Variants in GPM6B observed in about 807,000 individuals in gnomAD.
The protein encoded by GPM6B is neuronal membrane glycoprotein M6-b.
GPM6B carries 4 observed loss-of-function variants against 27.2 expected under a neutral mutation model. The observed-to-expected ratio is 0.15, with a 90% CI of 0.07 to 0.34. The LOEUF (loss-of-function observed/expected upper bound fraction) is 0.34. Ranked by LOEUF, GPM6B falls within the 10% of genes least tolerant of loss-of-function variation. GPM6B has a pLI of 1.00. For missense variants in GPM6B, 183 were observed against 261.9 expected (o/e 0.70, Z 2.08); for synonymous variants, 124 against 103.1 (o/e 1.20, Z -1.23).
chrX:13,931,314 C>T (rs1279801187), intron 1 of GPM6B, among the ~76,000 whole-genome samples: 1 of 110,250 alleles, frequency 9.1e-6, no homozygotes, highest in Admixed American at 9.7e-5. Flanking sequence ...TGGTGAAACC[C>T]CATCTCTACT....
At chrX:13,816,768 A>G in intron 1 of GPM6B, 76 bp downstream of exon 1, 1 of 1,117,384 alleles carries the variant, frequency 8.9e-7, no homozygotes, top group Non-Finnish European at 1.2e-6. Flanking sequence ...TAAAAGAGAG[A>G]CAAAACCCAG....
chrX:13,860,412 C>T (rs1219649411), intron 1 of GPM6B, among the ~76,000 whole-genome samples: 1 of 105,901 alleles, frequency 9.4e-6, no homozygotes, highest in Admixed American at 1.0e-4. Flanking sequence ...CAAGGCAAAG[C>T]AGTCACTACA....
At chrX:13,876,773 C>A (rs1202751857) in intron 1 of GPM6B, among the ~76,000 whole-genome samples, 1 of 108,570 alleles carries the variant, frequency 9.2e-6, no homozygotes, top group Non-Finnish European at 1.9e-5. Context: ...CTCGGTGGAA[C>A]CCAGCCTCCA....
intron 2 of GPM6B, among the ~76,000 whole-genome samples, chrX:13,802,948 CTA>C (rs1410870803): frequency 8.9e-6 from 1 of 111,858 alleles, no homozygotes; most frequent in Non-Finnish European, 1.9e-5. Flanking sequence ...CGACACCCAA[CTA>C]TGGCCAGAGG....
rs1171503867 is a variant in GPM6B at position 13,865,542 on chromosome X, C to CAAAAAAA, written c.-198+72778_-198+72784dup. On this transcript the variant is annotated intron_variant, in intron 1 of 6. Transcript: ENST00000398361. Reference sequence around the variant, plus strand: ...ACCACACGGTAAAAATCCATCTCTTCAAAAAAAAAAAAAAAAAAAAGAAAG... The same window carrying CAAAAAAA: ...ACCACACGGTAAAAATCCATCTCTTCAAAAAAAAAAAAAAAAAAAAAAAAAAAGAAAG... Among the ~76,000 whole-genome samples, 21 of 14,628 alleles carry CAAAAAAA rather than the reference C, an allele frequency of 1.4e-3. 2 individuals carry two copies. The highest frequency in any genetic ancestry group is 2.4e-3 in the Non-Finnish European group (15 of 6,234). The allele number at this position is 14,628 out of a possible 115,157, so 12.7% of individuals were successfully genotyped here.
At chrX:13,840,151 T>C (rs1273196185) in intron 1 of GPM6B, among the ~76,000 whole-genome samples, 1 of 112,256 alleles carries the variant, frequency 8.9e-6, no homozygotes, top group Non-Finnish European at 1.9e-5. Flanking sequence ...ATGTAATACT[T>C]GGACGAAAAG....
intron 2 of GPM6B, among the ~76,000 whole-genome samples, chrX:13,804,171 G>A (rs192364741): frequency 1.8e-5 from 2 of 111,303 alleles, no homozygotes; most frequent in Admixed American, 1.9e-4. Context: ...CATTTCTAAC[G>A]AGCTCCTGGA....
intron 1 of GPM6B, among the ~76,000 whole-genome samples, chrX:13,879,320 G>T (rs780418822): frequency 7.0e-4 from 78 of 112,176 alleles, no homozygotes; most frequent in African/African-American, 2.4e-3. Flanking sequence ...AGCCACCCAG[G>T]GGTTAAAAAC....
At chrX:13,929,432 TA>T (rs34898418) in intron 1 of GPM6B, among the ~76,000 whole-genome samples, 69 of 100,835 alleles carry the variant, frequency 6.8e-4, no homozygotes, top group South Asian at 2.3e-3. Context: ...AGAAAAAGAT[TA>T]AAAAAAAAAA....
At chrX:13,799,977 G>C (rs1160673884) in intron 2 of GPM6B, among the ~76,000 whole-genome samples, 1 of 111,655 alleles carries the variant, frequency 9.0e-6, no homozygotes, top group African/African-American at 3.3e-5. Flanking sequence ...CCTGAATGTG[G>C]GCTGGACCTA....
In GPM6B at chrX:13,816,845, T is replaced by C. The variant is rs986150800; in HGVS notation, c.60A>G (p.Lys20=). The C allele has an allele frequency of 7.5e-6, 9 of 1,208,045 alleles. No individual in the cohort carries two copies. In the Admixed American group the frequency reaches 1.5e-4, roughly 21 times the overall value. ...GGCTATTGTCAGAGCGCTGGGTACC[T>C]TTTCTCTCTTGGCTTTGTTCAGTAT... ...EENTEQSQER[K]VNSRAEMEIG... is the part of the protein sequence containing the mutation. Residue 20 remains lysine (K), a splice_region_variant and synonymous_variant, in exon 1 of 8, where the codon AAA becomes AAG. Transcript: ENST00000316715.
intron 2 of GPM6B, among the ~76,000 whole-genome samples, chrX:13,786,328 T>C (rs2048612034): frequency 8.9e-6 from 1 of 112,095 alleles, no homozygotes; most frequent in African/African-American, 3.3e-5. Context: ...CCGGGGCAAC[T>C]GGGAGAATCT....
intron 2 of GPM6B, among the ~76,000 whole-genome samples, chrX:13,803,451 CT>C (rs769387222): frequency 1.8e-5 from 2 of 111,793 alleles, no homozygotes; most frequent in Non-Finnish European, 3.8e-5. Context: ...AGGGTGTGCT[CT>C]TTGTCCCGAC....
intron 1 of GPM6B, among the ~76,000 whole-genome samples, chrX:13,849,576 T>C (rs1266449844): frequency 8.9e-6 from 1 of 112,488 alleles, no homozygotes; most frequent in Non-Finnish European, 1.9e-5. Context: ...GTTAGCATAA[T>C]GTTAAGACAA....
intron 4 of GPM6B, chrX:13,780,979 T>C (rs760029107): frequency 3.2e-6 from 1 of 312,897 alleles, no homozygotes. Context: ...CGAGACACTT[T>C]CCCTTGCACT....
At chrX:13,861,805 A>T (rs1228210104) in intron 1 of GPM6B, among the ~76,000 whole-genome samples, 1 of 112,275 alleles carries the variant, frequency 8.9e-6, no homozygotes, top group African/African-American at 3.2e-5. Context: ...AAGGGTATAT[A>T]GTGAAAAGTA....
At position 13,772,178 on chromosome X, in the gene GPM6B, A is replaced by C. The variant is rs1301656522; in HGVS notation, c.*703T>G. Reference sequence around the variant, plus strand: ...ATTGGATCAGTATTTTGTTAAAATGAAATCTGTTATAAAATTGCTTCTGGA... The same window carrying C: ...ATTGGATCAGTATTTTGTTAAAATGCAATCTGTTATAAAATTGCTTCTGGA... On this transcript the variant is annotated 3_prime_UTR_variant, in exon 8 of 8. Coordinates refer to ENST00000316715, the MANE Select transcript of GPM6B (RefSeq NM_001001995.3). 1 of 112,587 alleles carries C rather than the reference A, an allele frequency of 8.9e-6. No individual in the cohort carries two copies. Among genetic ancestry groups the C allele is most frequent in the Admixed American group, 9.4e-5 (1 of 10,588 alleles). The allele number at this position is 112,587 out of a possible 1,213,427, so 9.3% of individuals were successfully genotyped here. A position where few individuals can be genotyped will look rare whatever the true frequency, so the allele number is the denominator to read the frequency against.
rs144825924 is a variant in GPM6B at position 13,795,639 on chromosome X, T to C, written c.182-9831A>G. Among the ~76,000 whole-genome samples, 527 of 111,747 alleles carry C rather than the reference T, an allele frequency of 4.7e-3. 3 individuals are homozygous for C. The highest frequency in any genetic ancestry group is 0.016 in the African/African-American group (487 of 30,757). ...ATTATTTTCTTTTTGAAAATCGTTA[T>C]CTTTCCTAAACATTACTTAGGTTGA... On this transcript the variant is annotated intron_variant, in intron 2 of 7. Transcript: ENST00000316715.
chrX:13,861,031 CACACACACACACATATATACAT>C (rs1052662523), intron 1 of GPM6B, among the ~76,000 whole-genome samples: 7 of 81,229 alleles, frequency 8.6e-5, no homozygotes, highest in Admixed American at 2.5e-4. Context: ...CACACACACA[CACACACACACACATATATACAT>C]ATATATACAC....
Sources: gnomAD v4.1 joint callset for allele counts (sites outside exome capture counted in the v4.1 genomes callset) on GRCh38, gnomAD v4.1.1 for gene constraint, MANE v1.5 for transcripts, NCBI Gene and HGNC (gene_info 2026-07-23, HGNC 2026-07-21) for gene names.